The following TC2N variants were observed in gnomAD, a reference collection of about 807,000 sequenced individuals.
TC2N encodes tandem C2 domains nuclear protein.
Under a neutral mutation model 61.9 loss-of-function variants are expected in TC2N, and 51 were observed. The observed-to-expected ratio is 0.82, with a 90% CI of 0.66 to 1.04. The LOEUF is 1.04. Among genes scored for constraint, TC2N ranks in the 50% least tolerant of loss-of-function variants. The pLI is 0.00. For missense variants in TC2N, 556 were observed against 566.7 expected, an observed-to-expected ratio of 0.98 and a Z score of 0.19; for synonymous variants, 204 against 192.6, an observed-to-expected ratio of 1.06 and a Z score of -0.49.
intron 3 of TC2N, among the ~76,000 whole-genome samples, chr14:91,803,428 C>CACACACACAT (rs142304224): frequency 8.8e-5 from 13 of 147,168 alleles, no homozygotes; most frequent in African/African-American, 3.3e-4. Flanking sequence ...CACACACACA[C>CACACACACAT]ATATATATAT....
intron 7 of TC2N, 30 bp downstream of exon 7, chr14:91,798,269 T>C (rs1051747304): frequency 3.4e-6 from 4 of 1,189,780 alleles, no homozygotes; most frequent in Non-Finnish European, 4.8e-6. Flanking sequence ...AATTTTGTAA[T>C]AAAAGCTGGT....
chr14:91,794,502 A>T (rs1254182704), intron 8 of TC2N, among the ~76,000 whole-genome samples: 1 of 152,162 alleles, frequency 6.6e-6, no homozygotes, highest in Non-Finnish European at 1.5e-5. Context: ...GCCAACACTC[A>T]CTTACCGTTT....
chr14:91,845,885 C>A (rs762338207), intron 1 of TC2N, among the ~76,000 whole-genome samples: 2 of 152,232 alleles, frequency 1.3e-5, no homozygotes, highest in Non-Finnish European at 2.9e-5. Context: ...GGAGCCACCA[C>A]CTTAGAAGTA....
At chr14:91,795,323 T>C (rs1038022053) in intron 8 of TC2N, among the ~76,000 whole-genome samples, 2 of 152,146 alleles carry the variant, frequency 1.3e-5, no homozygotes, top group African/African-American at 4.8e-5. Context: ...GAATCCAATT[T>C]TGAAAGAAGT....
At chr14:91,790,719 T>C (rs7158030) in intron 9 of TC2N, among the ~76,000 whole-genome samples, 10,043 of 152,234 alleles carry the variant, frequency 0.066, 995 homozygotes, top group African/African-American at 0.21. Flanking sequence ...TTGAATAGTC[T>C]ATTTGTGCCT....
intron 4 of TC2N, among the ~76,000 whole-genome samples, chr14:91,801,255 A>C (rs1169243743): frequency 2.0e-5 from 3 of 152,080 alleles, no homozygotes; most frequent in Non-Finnish European, 4.4e-5. Flanking sequence ...TTTTCACTGA[A>C]TACAGAAAAA....
chr14:91,783,483 C>A (rs924876842), intron 11 of TC2N, among the ~76,000 whole-genome samples: 9 of 151,974 alleles, frequency 5.9e-5, no homozygotes, highest in African/African-American at 2.2e-4. Context: ...TCCCCTAGAA[C>A]AGTTATTAGT....
At position 91,782,512 on chromosome 14, in the gene TC2N, A is replaced by C. The variant is rs534709690; in HGVS notation, c.*588T>G. On this transcript the variant is annotated 3_prime_UTR_variant, in exon 12 of 12. Transcript: ENST00000435962. ...TTTCTGAAGTTTTTTGGAGATAAGT[A>C]GCTTACAAAGGGATAATGTGATGTC... 8 of 152,182 alleles carry C rather than the reference A, an allele frequency of 5.3e-5. No individual in the cohort carries two copies. Among genetic ancestry groups the C allele is most frequent in the African/African-American group, 1.7e-4 (7 of 41,586 alleles). 9.4% of individuals were successfully genotyped at this position (152,182 alleles called of 1,614,324 possible).
chr14:91,791,883 G>A (rs950221100), intron 9 of TC2N, among the ~76,000 whole-genome samples: 5 of 152,246 alleles, frequency 3.3e-5, no homozygotes, highest in East Asian at 1.9e-4. Flanking sequence ...TTGGGAGACC[G>A]AGGCGGGCAG....
At position 91,791,064 on chromosome 14, in the gene TC2N, G is replaced by A. The variant is rs73337847; in HGVS notation, c.1047+1303C>T. 8.9e-3 allele frequency among the ~76,000 whole-genome samples: 1,356 copies of A among 151,596 alleles called. 11 individuals carry two copies. The highest frequency in any genetic ancestry group is 0.026 in the African/African-American group (1,078 of 41,254). The stretch of plus-strand genomic sequence containing the variant: ...GGGAGGATTGCTTGGTCGGGGAGAT[G>A]GAGGAGGTAGTGAGCTGTGATTGCG... On this transcript the variant is annotated intron_variant, in intron 9 of 11. Coordinates refer to ENST00000435962, the MANE Select transcript of TC2N (RefSeq NM_001128596.3).
intron 8 of TC2N, among the ~76,000 whole-genome samples, chr14:91,796,032 T>C (rs1885880280): frequency 6.6e-6 from 1 of 152,022 alleles, no homozygotes; most frequent in African/African-American, 2.4e-5. Context: ...AATAATAAAA[T>C]TGTAAAATGA....
intron 1 of TC2N, among the ~76,000 whole-genome samples, chr14:91,849,837 C>G (rs776477455): frequency 9.9e-5 from 15 of 152,118 alleles, no homozygotes; most frequent in Non-Finnish European, 1.8e-4. Context: ...CACCGGAGGT[C>G]AGGAGTTTGA....
At chr14:91,867,103 T>C (rs1387431254) in intron 1 of TC2N, among the ~76,000 whole-genome samples, 159 bp downstream of exon 1, 1 of 152,170 alleles carries the variant, frequency 6.6e-6, no homozygotes, top group Non-Finnish European at 1.5e-5. Context: ...TTTCTTTTCT[T>C]AGAAGCAGGA....
At chr14:91,793,265 T>G (rs1885744275) in intron 8 of TC2N, among the ~76,000 whole-genome samples, 1 of 152,234 alleles carries the variant, frequency 6.6e-6, no homozygotes, top group Non-Finnish European at 1.5e-5. Flanking sequence ...AACATATTCT[T>G]GACACTAGAC....
At chr14:91,787,376 A>C (rs1885415492) in intron 10 of TC2N, 137 bp downstream of exon 10, 1 of 556,568 alleles carries the variant, frequency 1.8e-6, no homozygotes, top group Admixed American at 3.7e-5. Context: ...GAAATCTTAT[A>C]ATTTTAAATT....
At position 91,782,765 on chromosome 14, in the gene TC2N, G is replaced by T. The variant is rs530301416; in HGVS notation, c.*335C>A. 9.6e-4 allele frequency: 188 copies of T among 194,974 alleles called. No homozygotes were observed. The highest frequency in any genetic ancestry group is 1.7e-3 in the Non-Finnish European group (163 of 96,476). The allele number at this position is 194,974 out of a possible 1,614,324, so 12.1% of individuals were successfully genotyped here. ...ACCAGGTTTTGAATATCTAAGTAAA[G>T]CTTAAAATACAAAAGCGAAAACATA... On this transcript the variant is annotated 3_prime_UTR_variant, in exon 12 of 12. Coordinates refer to ENST00000435962, the MANE Select transcript of TC2N (RefSeq NM_001128596.3).
chr14:91,824,742 C>T (rs764037021), intron 1 of TC2N, among the ~76,000 whole-genome samples: 80 of 152,088 alleles, frequency 5.3e-4, no homozygotes, highest in Non-Finnish European at 1.1e-3. Context: ...GAAAATTAAC[C>T]AGGATTCAAA....
intron 1 of TC2N, among the ~76,000 whole-genome samples, chr14:91,853,643 TTA>T (rs1295994836): frequency 2.2e-5 from 2 of 92,216 alleles, no homozygotes; most frequent in African/African-American, 1.0e-4. Context: ...TTTTTTTTTT[TTA>T]AAGTACACAC....
intron 1 of TC2N, among the ~76,000 whole-genome samples, chr14:91,821,183 A>C (rs530257991): frequency 2.0e-5 from 3 of 151,382 alleles, no homozygotes; most frequent in Non-Finnish European, 4.4e-5. Context: ...AATCTTGGGG[A>C]AAAAAAAAGA....
Sources: allele counts gnomAD v4.1 joint callset (sites outside exome capture counted in the v4.1 genomes callset), GRCh38; gene constraint gnomAD v4.1.1; transcripts MANE v1.5; gene names NCBI Gene and HGNC (gene_info 2026-07-23, HGNC 2026-07-21).